The following LIMCH1 variants were observed in gnomAD, a reference collection of about 807,000 sequenced individuals.
LIMCH1 encodes the protein LIM and calponin homology domains 1, also known as LIM and calponin homology domains-containing protein 1.
In LIMCH1, 113 loss-of-function variants were observed where a neutral mutation model predicts 176.5. That is an observed-to-expected ratio of 0.64 (90% CI 0.55 to 0.75). The LOEUF is 0.75. Ranked by LOEUF, LIMCH1 falls within the 30% of genes least tolerant of loss-of-function variation. The pLI is 0.00. For missense variants in LIMCH1, 1,674 were observed against 1,814.9 expected (o/e 0.92, Z 1.41); for synonymous variants, 619 against 645.9 (o/e 0.96, Z 0.63).
intron 1 of LIMCH1, among the ~76,000 whole-genome samples, chr4:41,368,073 G>A (rs1454808419): frequency 6.6e-6 from 1 of 151,866 alleles, no homozygotes; most frequent in Non-Finnish European, 1.5e-5. Context: ...CCTCAGAAGT[G>A]TTTAAAAAAT....
chr4:41,669,577 C>T (rs778109083), intron 21 of LIMCH1, among the ~76,000 whole-genome samples: 1 of 152,160 alleles, frequency 6.6e-6, no homozygotes, highest in South Asian at 2.1e-4. Context: ...TCATGCTGCA[C>T]ATCTCACCAC....
chr4:41,425,039 T>A (rs2060945658), intron 1 of LIMCH1, among the ~76,000 whole-genome samples: 1 of 152,206 alleles, frequency 6.6e-6, no homozygotes, highest in South Asian at 2.1e-4. Context: ...GTCCATCTCC[T>A]CCTTTATCAG....
At chr4:41,487,744 C>T (rs1451330277) in intron 1 of LIMCH1, among the ~76,000 whole-genome samples, 2 of 146,440 alleles carry the variant, frequency 1.4e-5, no homozygotes, top group Non-Finnish European at 3.0e-5. Flanking sequence ...CTGCAAGCTC[C>T]ACCTCCTGGG....
intron 20 of LIMCH1, among the ~76,000 whole-genome samples, chr4:41,664,613 C>A (rs1230712848): frequency 2.0e-5 from 3 of 152,192 alleles, no homozygotes; most frequent in Admixed American, 2.0e-4. Context: ...ATTACCCTTC[C>A]AAATTTACTT....
intron 1 of LIMCH1, among the ~76,000 whole-genome samples, chr4:41,579,675 A>G (rs1198813510): frequency 6.6e-6 from 1 of 152,228 alleles, no homozygotes; most frequent in Non-Finnish European, 1.5e-5. Flanking sequence ...GTGTAACAGC[A>G]AAATTGCTTT....
chr4:41,502,907 TCACACACACACACA>T (rs71650929), intron 2 of LIMCH1, among the ~76,000 whole-genome samples: 1 of 142,124 alleles, frequency 7.0e-6, no homozygotes, highest in African/African-American at 2.6e-5. Flanking sequence ...CGGAGGTAAA[TCACACACACACACA>T]CACACACACA....
At chr4:41,685,032 T>C (rs990697975) in intron 27 of LIMCH1, among the ~76,000 whole-genome samples, 1 of 152,056 alleles carries the variant, frequency 6.6e-6, no homozygotes, top group African/African-American at 2.4e-5. Context: ...ATGCCGAGGG[T>C]CTTCAGGATC....
At chr4:41,622,325 C>T (rs911971956) in intron 7 of LIMCH1, among the ~76,000 whole-genome samples, 1 of 151,618 alleles carries the variant, frequency 6.6e-6, no homozygotes, top group East Asian at 1.9e-4. Context: ...ATTTTTCAGA[C>T]TTCTCCAGCT....
chr4:41,693,299 G>C (rs1727795423), intron 31 of LIMCH1: 1 of 152,268 alleles, frequency 6.6e-6, no homozygotes, highest in South Asian at 2.1e-4. Context: ...CTTTTTACAT[G>C]GATCTCAAAT....
chr4:41,488,793 CTT>C (rs2154171814), intron 1 of LIMCH1, among the ~76,000 whole-genome samples: 1 of 152,176 alleles, frequency 6.6e-6, no homozygotes, highest in Admixed American at 6.5e-5. Context: ...GTGTATGTGT[CTT>C]ATAATATCTG....
At chr4:41,594,675 G>C (rs981994470) in intron 1 of LIMCH1, among the ~76,000 whole-genome samples, 1 of 152,186 alleles carries the variant, frequency 6.6e-6, no homozygotes, top group African/African-American at 2.4e-5. Flanking sequence ...GCTGGAAACA[G>C]ACCTGCAGTT....
At chr4:41,410,030 G>A (rs2059341386) in intron 1 of LIMCH1, among the ~76,000 whole-genome samples, 1 of 152,092 alleles carries the variant, frequency 6.6e-6, no homozygotes, top group African/African-American at 2.4e-5. Flanking sequence ...GAAAGGTTAT[G>A]TTAGGAATTC....
At chr4:41,612,829 T>C (rs2091596997) in intron 4 of LIMCH1, 1 of 1,233,990 alleles carries the variant, frequency 8.1e-7, no homozygotes, top group Admixed American at 2.9e-5. Context: ...GAAAAGCGTT[T>C]TGCATATTTT....
intron 1 of LIMCH1, among the ~76,000 whole-genome samples, chr4:41,465,825 A>G (rs1376979404): frequency 6.6e-6 from 1 of 152,234 alleles, no homozygotes; most frequent in Non-Finnish European, 1.5e-5. Flanking sequence ...TTTTACAAAT[A>G]AAGTTCTATT....
intron 2 of LIMCH1, 170 bp downstream of exon 2, chr4:41,599,196 G>C (rs965181223): frequency 9.4e-6 from 5 of 534,556 alleles, no homozygotes; most frequent in Admixed American, 6.4e-5. Context: ...TTCCCTCTGT[G>C]CATAGCTTTC....
chr4:41,629,255 A>G (rs1031459351), intron 8 of LIMCH1, among the ~76,000 whole-genome samples: 6 of 152,224 alleles, frequency 3.9e-5, no homozygotes, highest in Non-Finnish European at 8.8e-5. Context: ...ACTGTAGTTG[A>G]GACTGTCATC....
chr4:41,663,134 C>CGTGTGTGTGTGTGTGTGT lies in LIMCH1; in HGVS notation c.3291+172_3291+189dup, dbSNP rs60475434. The stretch of plus-strand genomic sequence containing the variant: ...TCTTTAATCTGTAGTTTTTCTTTTT[C>CGTGTGTGTGTGTGTGTGT]GTGTGTGTGTGTGTGTGTGTGTGTG... On this transcript the variant is annotated intron_variant, in intron 20 of 31. Coordinates refer to ENST00000503057, the MANE Select transcript of LIMCH1 (RefSeq NM_001330672.2). 5.0e-4 allele frequency: 204 copies of CGTGTGTGTGTGTGTGTGT among 406,548 alleles called. 1 individual carries two copies. Among genetic ancestry groups the CGTGTGTGTGTGTGTGTGT allele is most frequent in the Middle Eastern group, 3.2e-3 (4 of 1,262 alleles). The allele number at this position is 406,548 out of a possible 1,614,324, so 25.2% of individuals were successfully genotyped here.
chr4:41,668,139 T>G (rs2153000044), intron 21 of LIMCH1, among the ~76,000 whole-genome samples: 1 of 152,314 alleles, frequency 6.6e-6, no homozygotes, highest in Non-Finnish European at 1.5e-5. Flanking sequence ...GGCAGCTATT[T>G]GAGCCACTGG....
intron 1 of LIMCH1, among the ~76,000 whole-genome samples, chr4:41,455,870 T>G (rs1425008253): frequency 2.0e-5 from 3 of 152,206 alleles, no homozygotes; most frequent in Non-Finnish European, 4.4e-5. Context: ...AGACAAGATA[T>G]CCAATGGTGG....
Sources: gnomAD v4.1 joint callset for allele counts (sites outside exome capture counted in the v4.1 genomes callset) on GRCh38, gnomAD v4.1.1 for gene constraint, MANE v1.5 for transcripts, NCBI Gene and HGNC (gene_info 2026-07-23, HGNC 2026-07-21) for gene names.